Variants in RPA3 observed in about 807,000 individuals in gnomAD.
RPA3 encodes replication protein A 14 kDa subunit.
A neutral mutation model predicts 13.7 loss-of-function variants in RPA3; 24 were observed. The observed-to-expected ratio is 1.75, with a 90% CI of 1.27 to 2.46. The LOEUF is 2.46. RPA3 is among the 30% of genes most tolerant of loss of function. RPA3 has a pLI of 0.00. For synonymous variants in RPA3, 59 were observed against 51.2 expected (o/e 1.15, Z -0.65); for missense variants, 183 against 151.0 (o/e 1.21, Z -1.11).
intron 3 of RPA3, among the ~76,000 whole-genome samples, chr7:7,686,719 C>A (rs1780049573): frequency 1.3e-5 from 2 of 152,306 alleles, no homozygotes; most frequent in African/African-American, 4.8e-5. Context: ...GCAGACACTA[C>A]TAGTCCCTCA....
In RPA3 at chr7:7,651,931, C is replaced by A. The variant is rs189588559; in HGVS notation, c.-757-10756G>T. On this transcript the variant is annotated intron_variant, in intron 4 of 7. Coordinates refer to ENST00000223129, the MANE Select transcript of RPA3 (RefSeq NM_002947.5). Reference sequence around the variant, plus strand: ...AGAGTCCTCCTTGGGCAGTTACACACCATTCAAACCACTGCCCTCCTGACT... The same window carrying A: ...AGAGTCCTCCTTGGGCAGTTACACAACATTCAAACCACTGCCCTCCTGACT... Among the ~76,000 whole-genome samples, 617 of 152,280 alleles carry A rather than the reference C, an allele frequency of 4.1e-3. 3 individuals carry two copies. The highest frequency in any genetic ancestry group is 5.6e-3 in the Admixed American group (85 of 15,294).
intron 4 of RPA3, among the ~76,000 whole-genome samples, chr7:7,685,598 G>C (rs994086579): frequency 2.0e-5 from 3 of 152,110 alleles, no homozygotes; most frequent in Admixed American, 2.0e-4. Context: ...GTGAGCCACC[G>C]TGCCCGGCCA....
intron 2 of RPA3, among the ~76,000 whole-genome samples, chr7:7,687,700 G>A (rs891245652): frequency 1.1e-4 from 16 of 152,028 alleles, no homozygotes; most frequent in African/African-American, 3.1e-4. Flanking sequence ...TCCTACAACC[G>A]GTATTTCCAT....
chr7:7,713,520 GT>G lies in RPA3; in HGVS notation c.-1028+1654del, dbSNP rs1284374572. Among the ~76,000 whole-genome samples the G allele has an allele frequency of 6.6e-5, 10 of 151,096 alleles. 1 individual carries two copies. The highest frequency in any genetic ancestry group is 2.4e-4 in the African/African-American group (10 of 41,084). Reference sequence around the variant, plus strand: ...TATTGCTTTACTATTTATTTTCTTAGTGTTTTCAAAAGACCAGTTTTAGGAT... The same window carrying G: ...TATTGCTTTACTATTTATTTTCTTAGGTTTTCAAAAGACCAGTTTTAGGAT... On this transcript the variant is annotated intron_variant, in intron 2 of 7. Coordinates refer to ENST00000223129, the MANE Select transcript of RPA3 (RefSeq NM_002947.5).
intron 4 of RPA3, among the ~76,000 whole-genome samples, chr7:7,661,479 T>C (rs1321740319): frequency 6.6e-6 from 1 of 152,178 alleles, no homozygotes; most frequent in African/African-American, 2.4e-5. Context: ...CTGGTGACCT[T>C]TCAGTGGGGT....
At chr7:7,672,599 A>C (rs1415483635) in intron 4 of RPA3, among the ~76,000 whole-genome samples, 1 of 152,124 alleles carries the variant, frequency 6.6e-6, no homozygotes, top group Non-Finnish European at 1.5e-5. Context: ...TGTTCTCGTG[A>C]TAGTGAGTGA....
At chr7:7,645,465 T>G (rs1260194369) in intron 4 of RPA3, among the ~76,000 whole-genome samples, 1 of 152,208 alleles carries the variant, frequency 6.6e-6, no homozygotes, top group Admixed American at 6.5e-5. Context: ...TATGGTTATC[T>G]CATAGGCCAG....
chr7:7,639,095 T>C lies in RPA3; in HGVS notation c.149A>G (p.Asn50Ser). The C allele has an allele frequency of 6.2e-7, 1 of 1,612,302 alleles. No homozygotes were observed. The highest frequency in any genetic ancestry group is 8.5e-7 in the Non-Finnish European group (1 of 1,179,126). ...MFILSDGEGKNGTIELMEPLD... is the reference protein window; with the variant it reads ...MFILSDGEGKSGTIELMEPLD... ...GGGTTCCATCAACTCGATGGTTCCATTTTTTCCTTCTCCATCTGAAAGAAT... is the reference window on the plus strand; with the variant it reads ...GGGTTCCATCAACTCGATGGTTCCACTTTTTCCTTCTCCATCTGAAAGAAT... Residue 50 changes from asparagine (N) to serine (S), a missense_variant, in exon 6 of 8, where the codon AAT (asparagine) becomes AGT (serine). Physicochemically the swap from Asn to Ser is conservative, Grantham distance 46 (BLOSUM62 1). Transcript: ENST00000223129.
At chr7:7,687,541 G>T (rs28912730) in intron 2 of RPA3, among the ~76,000 whole-genome samples, 223 of 152,256 alleles carry the variant, frequency 1.5e-3, no homozygotes, top group Admixed American at 2.7e-3. Context: ...CTGGAAGGCC[G>T]ATCTATGCTT....
intron 4 of RPA3, among the ~76,000 whole-genome samples, chr7:7,672,709 A>C (rs985982780): frequency 6.6e-6 from 1 of 152,122 alleles, no homozygotes; most frequent in African/African-American, 2.4e-5. Context: ...AAGTTTCCTG[A>C]GGCCTCCCCA....
At chr7:7,693,803 T>C (rs561653501) in intron 2 of RPA3, among the ~76,000 whole-genome samples, 105 of 152,330 alleles carry the variant, frequency 6.9e-4, no homozygotes, top group African/African-American at 2.4e-3. Flanking sequence ...TTTAAACTTA[T>C]AAACTCTAAT....
intron 4 of RPA3, among the ~76,000 whole-genome samples, chr7:7,650,704 G>A (rs184371224): frequency 4.6e-5 from 7 of 152,366 alleles, no homozygotes; most frequent in East Asian, 3.9e-4. Flanking sequence ...AACGCACCTT[G>A]ATTTACTAAT....
chr7:7,701,041 C>A (rs1780449404), intron 2 of RPA3, among the ~76,000 whole-genome samples: 1 of 152,130 alleles, frequency 6.6e-6, no homozygotes, highest in African/African-American at 2.4e-5. Flanking sequence ...CAGAGGGAGA[C>A]CTTGTCTCTT....
chr7:7,694,308 A>G (rs1449373850), intron 2 of RPA3, among the ~76,000 whole-genome samples: 1 of 152,164 alleles, frequency 6.6e-6, no homozygotes, highest in Non-Finnish European at 1.5e-5. Flanking sequence ...AGGCATACAC[A>G]TATAATAATC....
At chr7:7,715,347 T>C (rs1307542928) in intron 1 of RPA3, 121 bp from the exon 2 acceptor site, 3 of 152,228 alleles carry the variant, frequency 2.0e-5, no homozygotes, top group Admixed American at 2.0e-4. Context: ...ATAGACCTTA[T>C]AGCTAGCTGT....
chr7:7,659,095 C>T (rs1323302873), intron 4 of RPA3, among the ~76,000 whole-genome samples: 1 of 151,884 alleles, frequency 6.6e-6, no homozygotes, highest in Non-Finnish European at 1.5e-5. Context: ...ATTTGCGTAG[C>T]TTGTTTATAG....
intron 4 of RPA3, among the ~76,000 whole-genome samples, chr7:7,654,246 G>A (rs1218916580): frequency 6.6e-6 from 1 of 152,192 alleles, no homozygotes; most frequent in Non-Finnish European, 1.5e-5. Context: ...TATTTACAAA[G>A]TAATGGAGGA....
chr7:7,703,636 AG>A (rs1257923200), intron 2 of RPA3, among the ~76,000 whole-genome samples: 1 of 152,190 alleles, frequency 6.6e-6, no homozygotes, highest in African/African-American at 2.4e-5. Flanking sequence ...GCCAAAGTTC[AG>A]TTCCTTCTTC....
intron 2 of RPA3, among the ~76,000 whole-genome samples, chr7:7,687,882 C>T (rs1027640999): frequency 6.6e-6 from 1 of 152,260 alleles, no homozygotes; most frequent in East Asian, 1.9e-4. Flanking sequence ...ATTTATGGAA[C>T]GACTTATTTT....
Sources: gnomAD v4.1 joint callset for allele counts (sites outside exome capture counted in the v4.1 genomes callset) on GRCh38, gnomAD v4.1.1 for gene constraint, MANE v1.5 for transcripts, NCBI Gene and HGNC (gene_info 2026-07-23, HGNC 2026-07-21) for gene names.